MPDZ: variants seen among roughly 807,000 people sequenced by gnomAD.
The protein encoded by MPDZ is multiple PDZ domain crumbs cell polarity complex component, also known as multiple PDZ domain protein.
A neutral mutation model predicts 239.1 loss-of-function variants in MPDZ; 234 were observed. The ratio of observed to expected loss-of-function variants is 0.98; its 90% confidence interval spans 0.88 to 1.09. MPDZ has a LOEUF of 1.09. Among genes scored for constraint, MPDZ ranks in the 50% least tolerant of loss-of-function variants. The pLI is 0.00. For synonymous variants in MPDZ, 1,048 were observed against 881.3 expected (o/e 1.19, Z -3.35); for missense variants, 3,175 against 2,510.0 (o/e 1.26, Z -5.66).
chr9:13,206,555 T>A (rs1957019602), intron 10 of MPDZ, among the ~76,000 whole-genome samples: 1 of 142,792 alleles, frequency 7.0e-6, no homozygotes, highest in Non-Finnish European at 1.5e-5. Flanking sequence ...CACGTGGCTA[T>A]TTTTTTTTTT....
At chr9:13,118,495 C>T (rs1943841205) in intron 39 of MPDZ, among the ~76,000 whole-genome samples, 1 of 152,202 alleles carries the variant, frequency 6.6e-6, no homozygotes, top group Non-Finnish European at 1.5e-5. Context: ...AGACCTCCAA[C>T]AGCTCTACTG....
chr9:13,193,336 C>T, intron 13 of MPDZ, 23 bp from the exon 14 acceptor site: 5 of 1,566,846 alleles, frequency 3.2e-6, no homozygotes, highest in Non-Finnish European at 4.3e-6. Context: ...AAAAAAAGAT[C>T]ACCACAATTT....
chr9:13,208,453 A>T (rs1245787441), intron 10 of MPDZ, among the ~76,000 whole-genome samples: 1 of 151,442 alleles, frequency 6.6e-6, no homozygotes, highest in Non-Finnish European at 1.5e-5. Flanking sequence ...TCTTACATAA[A>T]TAAATATTAA....
rs542338857 is a variant in MPDZ at position 13,119,842 on chromosome 9, T to C, written c.5232-193A>G. On this transcript the variant is annotated intron_variant, in intron 38 of 46. Coordinates refer to ENST00000319217, the MANE Select transcript of MPDZ (RefSeq NM_001378778.1). ...AATAACAGCTTATGTCTTACAGTGCTTCATAGATTAAAATGATCTCCAATA... is the reference window on the plus strand; with the variant it reads ...AATAACAGCTTATGTCTTACAGTGCCTCATAGATTAAAATGATCTCCAATA... 2.8e-5 allele frequency: 17 copies of C among 610,780 alleles called. No individual in the cohort carries two copies. The South Asian group carries it at 3.4e-4, about 12-fold the overall frequency. The allele number at this position is 610,780 out of a possible 1,614,324, so 37.8% of individuals were successfully genotyped here.
At chr9:13,245,581 T>C (rs975817300) in intron 3 of MPDZ, among the ~76,000 whole-genome samples, 2 of 152,196 alleles carry the variant, frequency 1.3e-5, no homozygotes, top group African/African-American at 4.8e-5. Context: ...TTTTCCCCTG[T>C]ATATGAACAT....
At chr9:13,193,756 A>G (rs1395411479) in intron 13 of MPDZ, among the ~76,000 whole-genome samples, 1 of 152,214 alleles carries the variant, frequency 6.6e-6, no homozygotes, top group African/African-American at 2.4e-5. Context: ...AAACCAAAGA[A>G]TGAACTTCCA....
At chr9:13,115,220 C>A (rs966997939) in intron 40 of MPDZ, 28 bp downstream of exon 40, 14 of 1,587,162 alleles carry the variant, frequency 8.8e-6, no homozygotes, top group Non-Finnish European at 1.2e-5. Flanking sequence ...CCGATTGCAT[C>A]GCCCTGATGA....
chr9:13,109,082 G>C (rs564055327), intron 45 of MPDZ, 23 bp from the exon 46 acceptor site: 1 of 1,358,320 alleles, frequency 7.4e-7, no homozygotes, highest in Middle Eastern at 1.9e-4. Context: ...AAAGGAAAAA[G>C]AGGTTTTAAA....
At chr9:13,109,806 C>T in intron 45 of MPDZ, 146 bp downstream of exon 45, 1 of 641,360 alleles carries the variant, frequency 1.6e-6, no homozygotes, top group Non-Finnish European at 2.7e-6. Flanking sequence ...AGTTTAGAAG[C>T]ACCTGATATG....
intron 26 of MPDZ, among the ~76,000 whole-genome samples, chr9:13,144,001 T>C (rs1854907): frequency 0.45 from 68,415 of 151,892 alleles, 18,288 homozygotes; most frequent in African/African-American, 0.75. Flanking sequence ...AAATTATAAA[T>C]TGGTCTGCTA....
At chr9:13,150,415 AC>A (rs1458435061) in intron 25 of MPDZ, 95 bp downstream of exon 25, 2 of 965,694 alleles carry the variant, frequency 2.1e-6, no homozygotes, top group Non-Finnish European at 2.8e-6. Context: ...TAGCACATGT[AC>A]CCTAAAACTT....
chr9:13,109,878 C>A (rs143212609), intron 45 of MPDZ, 74 bp downstream of exon 45: 4 of 1,157,944 alleles, frequency 3.5e-6, no homozygotes, highest in Middle Eastern at 3.8e-4. Context: ...AAACATGGGA[C>A]AGAGAACGCA....
At chr9:13,162,245 C>A (rs1375622819) in intron 23 of MPDZ, among the ~76,000 whole-genome samples, 2 of 143,876 alleles carry the variant, frequency 1.4e-5, no homozygotes, top group Non-Finnish European at 3.0e-5. Flanking sequence ...GCCTGAGCAA[C>A]AGAGTGAGGC....
intron 37 of MPDZ, 64 bp downstream of exon 37, chr9:13,122,023 G>A: frequency 6.2e-7 from 1 of 1,602,150 alleles, no homozygotes; most frequent in Non-Finnish European, 8.5e-7. Flanking sequence ...AGCAAAGAAA[G>A]AAACACTCCC....
rs544075529 is a variant in MPDZ at position 13,235,214 on chromosome 9, AG to A, written c.184-10632del. On this transcript the variant is annotated intron_variant, in intron 3 of 46. Coordinates refer to ENST00000319217, the MANE Select transcript of MPDZ (RefSeq NM_001378778.1). ...TAAAGAAATTGAACTGCATGTTCAA[AG>A]GGAATTAGCTTAATGTGACGAAACT... 1.5e-3 allele frequency among the ~76,000 whole-genome samples: 234 copies of A among 152,320 alleles called. 1 individual carries two copies. The highest frequency in any genetic ancestry group is 3.4e-3 in the Middle Eastern group (1 of 294).
chr9:13,254,631 G>A (rs949652193), intron 1 of MPDZ, among the ~76,000 whole-genome samples: 2 of 152,104 alleles, frequency 1.3e-5, no homozygotes, highest in African/African-American at 4.8e-5. Context: ...CCAGACCACT[G>A]CAATAAAGTG....
chr9:13,119,485 T>A lies in MPDZ; in HGVS notation c.5379+17A>T, dbSNP rs2131515494. Reference sequence around the variant, plus strand: ...TCTTCTACGCTATTACACAGAATTATTTTTTGCATTTTTTACCTTTAGCAA... The same window carrying A: ...TCTTCTACGCTATTACACAGAATTAATTTTTGCATTTTTTACCTTTAGCAA... On this transcript the variant is annotated intron_variant, in intron 39 of 46. Transcript: ENST00000319217. 1 of 1,604,042 alleles carries A rather than the reference T, an allele frequency of 6.2e-7. No homozygotes were observed. Among genetic ancestry groups the A allele is most frequent in the Admixed American group, 1.7e-5 (1 of 58,262 alleles).
chr9:13,209,812 C>A (rs999205417), intron 10 of MPDZ, among the ~76,000 whole-genome samples: 2 of 152,054 alleles, frequency 1.3e-5, no homozygotes, highest in Non-Finnish European at 2.9e-5. Context: ...ATTTTAAGTA[C>A]TGCAAAAACA....
intron 1 of MPDZ, among the ~76,000 whole-genome samples, chr9:13,259,522 AGAAAT>A (rs1387551608): frequency 3.3e-5 from 5 of 152,184 alleles, no homozygotes; most frequent in Admixed American, 6.5e-5. Flanking sequence ...TGAAAGGAAA[AGAAAT>A]GAACAATTAA....
Sources: gnomAD v4.1 joint callset for allele counts (sites outside exome capture counted in the v4.1 genomes callset) on GRCh38, gnomAD v4.1.1 for gene constraint, MANE v1.5 for transcripts, NCBI Gene and HGNC (gene_info 2026-07-23, HGNC 2026-07-21) for gene names.